The following PITX3 variants were observed in gnomAD, a reference collection of about 807,000 sequenced individuals.
PITX3 encodes the protein pituitary homeobox 3.
PITX3 carries 4 observed loss-of-function variants against 14.2 expected under a neutral mutation model. The observed-to-expected ratio is 0.28, with a 90% CI of 0.14 to 0.65. The LOEUF is 0.65. PITX3 is among the 30% of genes least tolerant of loss of function. PITX3 has a pLI of 0.82. For synonymous variants in PITX3, 194 were observed against 204.5 expected, an observed-to-expected ratio of 0.95 and a Z score of 0.44; for missense variants, 358 against 426.8, an observed-to-expected ratio of 0.84 and a Z score of 1.42.
chr10:102,231,474 C>T, intron 3 of PITX3, 114 bp downstream of exon 3: 1 of 698,784 alleles, frequency 1.4e-6, no homozygotes, highest in Non-Finnish European at 2.4e-6. Flanking sequence ...GAGCCAGGGT[C>T]CGGGGTCCGG....
intron 3 of PITX3, 150 bp downstream of exon 3, chr10:102,231,438 A>G (rs1032363645): frequency 1.6e-6 from 1 of 633,750 alleles, no homozygotes; most frequent in East Asian, 2.7e-5. Flanking sequence ...GTTGGCGGGC[A>G]AGAGACCGCG....
chr10:102,232,834 G>A (rs998075412), intron 1 of PITX3, among the ~76,000 whole-genome samples: 2 of 152,210 alleles, frequency 1.3e-5, no homozygotes, highest in Non-Finnish European at 2.9e-5. Flanking sequence ...CAGACCAGAT[G>A]TCTGTTACCC....
rs1376663871 is a variant in PITX3, at chr10:102,232,049, G to A, written c.32C>T (p.Ala11Val). The change falls in exon 2 of 4, where the codon GCC becomes GTC. Residue 11 changes from alanine to valine, a missense_variant. Coordinates refer to ENST00000370002, the MANE Select transcript of PITX3 (RefSeq NM_005029.4). ...TGACAGCGACAGGGCAGGGCTCCGGGCCTCTGCCTCGCTGAGCAGGCCGAA... is the reference window on the plus strand; with the variant it reads ...TGACAGCGACAGGGCAGGGCTCCGGACCTCTGCCTCGCTGAGCAGGCCGAA... MEFGLLSEAE[A>V]RSPALSLSDA... The A allele has an allele frequency of 1.2e-6, 2 of 1,603,892 alleles. No homozygotes were observed. The highest frequency in any genetic ancestry group is 1.7e-6 in the Non-Finnish European group (2 of 1,177,826).
intron 1 of PITX3, among the ~76,000 whole-genome samples, chr10:102,234,685 A>G (rs530643846): frequency 6.6e-5 from 10 of 152,126 alleles, no homozygotes; most frequent in African/African-American, 2.4e-4. Flanking sequence ...AATGCAAATC[A>G]TCCCCCTGAC....
intron 1 of PITX3, among the ~76,000 whole-genome samples, chr10:102,235,260 G>A (rs2133807153): frequency 6.6e-6 from 1 of 151,386 alleles, no homozygotes; most frequent in South Asian, 2.1e-4. Flanking sequence ...GGAGGAGCAG[G>A]CCAAGGGGCC....
intron 1 of PITX3, among the ~76,000 whole-genome samples, chr10:102,232,544 G>T (rs1202116983): frequency 6.6e-6 from 1 of 152,092 alleles, no homozygotes; most frequent in Non-Finnish European, 1.5e-5. Context: ...TTGCTGGGCG[G>T]GGTGGCACGT....
At chr10:102,234,140 G>T (rs1012748031) in intron 1 of PITX3, among the ~76,000 whole-genome samples, 1 of 152,228 alleles carries the variant, frequency 6.6e-6, no homozygotes, top group Non-Finnish European at 1.5e-5. Flanking sequence ...AGATTGAGAT[G>T]TGTGTCACTT....
At chr10:102,235,688 G>A (rs2070375428) in intron 1 of PITX3, among the ~76,000 whole-genome samples, 1 of 152,188 alleles carries the variant, frequency 6.6e-6, no homozygotes, top group South Asian at 2.1e-4. Context: ...CATTGAGTTA[G>A]GCACTGAGGG....
intron 1 of PITX3, among the ~76,000 whole-genome samples, chr10:102,234,152 G>A (rs1465027946): frequency 6.6e-6 from 1 of 152,170 alleles, no homozygotes; most frequent in Non-Finnish European, 1.5e-5. Flanking sequence ...GTGTCACTTG[G>A]CTGCTCTGGA....
Position 102,230,684 on chromosome 10 carries a change from CGGCGGCGGCGGCGGCCGA to C in PITX3, c.721_738del (p.Ser241_Ala246del). The C allele has an allele frequency of 2.6e-6, 4 of 1,547,448 alleles. No homozygotes were observed. The highest frequency in any genetic ancestry group is 3.5e-6 in the Non-Finnish European group (4 of 1,144,728). ...ACGTAGGGGGAAGAGGCGGCAGCCGCGGCGGCGGCGGCGGCCGAGGCATAAGGGCAGGACACGGCCCCG... is the reference window on the plus strand; with the variant it reads ...ACGTAGGGGGAAGAGGCGGCAGCCGCGGCATAAGGGCAGGACACGGCCCCG... On this transcript the variant is annotated inframe_deletion, in exon 4 of 4. Coordinates refer to ENST00000370002, the MANE Select transcript of PITX3 (RefSeq NM_005029.4).
chr10:102,234,841 C>T (rs546190976), intron 1 of PITX3, among the ~76,000 whole-genome samples: 96 of 152,272 alleles, frequency 6.3e-4, no homozygotes, highest in Admixed American at 2.1e-3. Context: ...ACCCTGTCCC[C>T]GGCATTCCAT....
At chr10:102,234,095 C>A (rs1019277535) in intron 1 of PITX3, among the ~76,000 whole-genome samples, 2 of 152,236 alleles carry the variant, frequency 1.3e-5, no homozygotes, top group African/African-American at 4.8e-5. Context: ...TTAATGCAGG[C>A]TGCACAGGAT....
At chr10:102,239,566 G>A (rs765548094) in intron 1 of PITX3, among the ~76,000 whole-genome samples, 1 of 152,212 alleles carries the variant, frequency 6.6e-6, no homozygotes, top group Non-Finnish European at 1.5e-5. Context: ...CCAGTAATAA[G>A]CAAACTTTAG....
chr10:102,231,104 G>A lies in PITX3; in HGVS notation c.322-3C>T, dbSNP rs746823271. 5 of 1,539,128 alleles carry A rather than the reference G, an allele frequency of 3.2e-6. No individual in the cohort carries two copies. The highest frequency in any genetic ancestry group is 1.4e-5 in the African/African-American group (1 of 72,526). ...GCGCGCCGGTTCTTGAACCACACCTGCGGGCACGGGAGAAAGGCGGTCAGG... is the reference window on the plus strand; with the variant it reads ...GCGCGCCGGTTCTTGAACCACACCTACGGGCACGGGAGAAAGGCGGTCAGG... On this transcript the variant is annotated splice_polypyrimidine_tract_variant and splice_region_variant and intron_variant, in intron 3 of 3. Coordinates refer to ENST00000370002, the MANE Select transcript of PITX3 (RefSeq NM_005029.4).
Position 102,230,482 on chromosome 10 carries a change from C to A in PITX3, c.*32G>T, listed in dbSNP as rs765054818. ...CGCGGAGGCTGTGAATCGTTGCCCCCGCCCTCGGGGATGATCTACGGGCGG... is the reference window on the plus strand; with the variant it reads ...CGCGGAGGCTGTGAATCGTTGCCCCAGCCCTCGGGGATGATCTACGGGCGG... On this transcript the variant is annotated 3_prime_UTR_variant, in exon 4 of 4. Transcript: ENST00000370002. 20 of 1,587,840 alleles carry A rather than the reference C, an allele frequency of 1.3e-5. No homozygotes were observed. Among genetic ancestry groups the A allele is most frequent in the Non-Finnish European group, 1.6e-5 (19 of 1,167,566 alleles).
At chr10:102,235,009 A>G (rs887520026) in intron 1 of PITX3, among the ~76,000 whole-genome samples, 2 of 152,100 alleles carry the variant, frequency 1.3e-5, no homozygotes, top group Non-Finnish European at 2.9e-5. Flanking sequence ...ACTCAGACAT[A>G]ATAAGCACTT....
intron 1 of PITX3, among the ~76,000 whole-genome samples, chr10:102,236,120 G>C (rs867529884): frequency 6.6e-6 from 1 of 152,316 alleles, no homozygotes; most frequent in East Asian, 1.9e-4. Flanking sequence ...ACTCACGTCC[G>C]GGTGGGCTGG....
intron 1 of PITX3, among the ~76,000 whole-genome samples, chr10:102,240,649 C>G (rs975845608): frequency 1.2e-4 from 19 of 152,228 alleles, no homozygotes; most frequent in African/African-American, 4.1e-4. Flanking sequence ...CTGTCCGCTC[C>G]GAGCCCCATG....
At chr10:102,232,597 G>A (rs561886554) in intron 1 of PITX3, among the ~76,000 whole-genome samples, 17 of 152,274 alleles carry the variant, frequency 1.1e-4, no homozygotes, top group African/African-American at 4.1e-4. Flanking sequence ...CAGGAGAATC[G>A]CTTGAACCTG....
Sources: gnomAD v4.1 joint callset for allele counts (sites outside exome capture counted in the v4.1 genomes callset) on GRCh38, gnomAD v4.1.1 for gene constraint, MANE v1.5 for transcripts, NCBI Gene and HGNC (gene_info 2026-07-23, HGNC 2026-07-21) for gene names.